The following PTPDC1 variants were observed in gnomAD, a reference collection of about 807,000 sequenced individuals.
PTPDC1 encodes the protein protein tyrosine phosphatase domain containing 1.
A neutral mutation model predicts 75.3 loss-of-function variants in PTPDC1; 53 were observed. That is an observed-to-expected ratio of 0.70 (90% CI 0.56 to 0.88). The LOEUF (loss-of-function observed/expected upper bound fraction) is 0.88, where lower values mean the gene tolerates loss of function less well. PTPDC1 is among the 40% of genes least tolerant of loss of function. The pLI, the probability that PTPDC1 is intolerant of heterozygous loss-of-function variation, is 0.00. For missense variants in PTPDC1, 925 were observed against 998.6 expected (o/e 0.93, Z 0.99); for synonymous variants, 349 against 366.2 (o/e 0.95, Z 0.54).
chr9:94,038,638 A>G (rs980658007), intron 1 of PTPDC1, among the ~76,000 whole-genome samples: 1 of 152,248 alleles, frequency 6.6e-6, no homozygotes, highest in African/African-American at 2.4e-5. Context: ...GGTGAGTGCC[A>G]TCTTAAAACT....
upstream of PTPDC1, chr9:94,084,396 A>G: frequency 1.4e-6 from 2 of 1,413,970 alleles, no homozygotes; most frequent in South Asian, 2.9e-5. Flanking sequence ...GTTTGTCGCC[A>G]TGGAAACCAG....
At chr9:94,085,449 G>C in intron 2 of PTPDC1, 27 bp downstream of exon 2, 1 of 1,612,674 alleles carries the variant, frequency 6.2e-7, no homozygotes, top group South Asian at 1.1e-5. Context: ...GTCTTTCATA[G>C]CTCTGTTGGA....
intron 4 of PTPDC1, among the ~76,000 whole-genome samples, chr9:94,089,269 C>A (rs1827198452): frequency 7.0e-6 from 1 of 142,678 alleles, no homozygotes; most frequent in Non-Finnish European, 1.5e-5. Context: ...GTGATATTCC[C>A]CTTCCTGTGT....
chr9:94,094,539 T>C (rs1035160095), intron 4 of PTPDC1, among the ~76,000 whole-genome samples: 1 of 152,182 alleles, frequency 6.6e-6, no homozygotes, highest in Non-Finnish European at 1.5e-5. Flanking sequence ...TGTTTGTCTG[T>C]GCCCTGCCCC....
chr9:94,082,801 A>G (rs1826928909), upstream of PTPDC1, among the ~76,000 whole-genome samples: 1 of 152,170 alleles, frequency 6.6e-6, no homozygotes, highest in Non-Finnish European at 1.5e-5. Context: ...TTTGAGGTCA[A>G]CCCAGGGCTC....
intron 1 of PTPDC1, among the ~76,000 whole-genome samples, chr9:94,037,451 T>C (rs1306955664): frequency 6.6e-6 from 1 of 152,188 alleles, no homozygotes; most frequent in Non-Finnish European, 1.5e-5. Context: ...TCCAGTCTTT[T>C]ATATGTGTAC....
intron 1 of PTPDC1, among the ~76,000 whole-genome samples, chr9:94,042,466 T>C (rs1415816344): frequency 6.6e-6 from 1 of 152,230 alleles, no homozygotes; most frequent in Non-Finnish European, 1.5e-5. Context: ...ATAATAGTTA[T>C]GTTTTCACTA....
rs1322123024 is a variant in PTPDC1, at chr9:94,047,700, A to T, written c.-7+16573A>T. Among the ~76,000 whole-genome samples, 12 of 152,182 alleles carry T rather than the reference A, an allele frequency of 7.9e-5. No individual in the cohort carries two copies. In the East Asian group the frequency reaches 2.3e-3, roughly 29 times the overall value. ...ACTAATAAAGAAGAAAAGAGAGAAG[A>T]ATCAAATAGACGCAATAAAAAATGA... On this transcript the variant is annotated intron_variant, in intron 1 of 9. Transcript: ENST00000375360.
chr9:94,030,955 C>T (rs938990585), exon 1 of PTPDC1: 2 of 152,138 alleles, frequency 1.3e-5, no homozygotes, highest in African/African-American at 4.8e-5. Context: ...GGTGCCGCGC[C>T]GTGAGGGTGC....
chr9:94,068,372 C>T (rs1826391207), intron 2 of PTPDC1, among the ~76,000 whole-genome samples: 2 of 152,140 alleles, frequency 1.3e-5, no homozygotes, highest in South Asian at 4.1e-4. Flanking sequence ...CCTTTATGAC[C>T]TTAACATTTT....
chr9:94,079,207 T>C (rs947842399), intron 2 of PTPDC1, among the ~76,000 whole-genome samples: 3 of 152,216 alleles, frequency 2.0e-5, no homozygotes, highest in African/African-American at 4.8e-5. Flanking sequence ...AGTCTTTTTT[T>C]CTTCATAGTT....
chr9:94,088,893 T>G (rs1477078128), intron 4 of PTPDC1, among the ~76,000 whole-genome samples: 1 of 152,196 alleles, frequency 6.6e-6, no homozygotes, highest in African/African-American at 2.4e-5. Flanking sequence ...AAGCTATTTA[T>G]CAGTCATTTA....
chr9:94,032,151 T>A (rs1300336411), intron 1 of PTPDC1, among the ~76,000 whole-genome samples: 1 of 152,200 alleles, frequency 6.6e-6, no homozygotes, highest in Non-Finnish European at 1.5e-5. Flanking sequence ...TCTATGTGGC[T>A]CCAAAACCAC....
chr9:94,055,368 CTT>C (rs376458217), intron 1 of PTPDC1, among the ~76,000 whole-genome samples: 1 of 152,296 alleles, frequency 6.6e-6, no homozygotes, highest in East Asian at 1.9e-4. Context: ...GAGCAGAAAA[CTT>C]AGGTCTACAC....
At chr9:94,054,089 CA>C (rs1356241038) in intron 1 of PTPDC1, among the ~76,000 whole-genome samples, 1 of 151,838 alleles carries the variant, frequency 6.6e-6, no homozygotes, top group East Asian at 1.9e-4. Flanking sequence ...ACAAAGCAGA[CA>C]AAAAAAATCT....
Position 94,084,691 on chromosome 9 carries a change from C to T in PTPDC1, c.161C>T (p.Ser54Leu), listed in dbSNP as rs375990619. 86 of 1,613,626 alleles carry T rather than the reference C, an allele frequency of 5.3e-5. No homozygotes were observed. Among genetic ancestry groups the T allele is most frequent in the Admixed American group, 1.7e-5 (1 of 59,944 alleles). ...GSGSATKLLS[S>L]SSLQVMVAVS... ...GGCTCTGCCACGAAGCTGCTGTCCT[C>T]GTCCTCTCTCCAGGTGATGGTGGCT... is the stretch of plus-strand genomic sequence containing the variant. Residue 54 changes from serine (S) to leucine (L), a missense_variant, in exon 1 of 9, where the codon TCG becomes TTG. By Grantham distance (145) the Ser-to-Leu change is moderately radical (BLOSUM62 -2). Transcript: ENST00000620992.
At chr9:94,035,207 A>G (rs1825228280) in intron 1 of PTPDC1, among the ~76,000 whole-genome samples, 1 of 152,210 alleles carries the variant, frequency 6.6e-6, no homozygotes, top group Non-Finnish European at 1.5e-5. Flanking sequence ...AGTTTGCAAT[A>G]TAATGTAATA....
chr9:94,105,438 G>A (rs984858053), intron 8 of PTPDC1, among the ~76,000 whole-genome samples: 64 of 152,244 alleles, frequency 4.2e-4, no homozygotes, highest in Admixed American at 4.2e-3. Flanking sequence ...GGGAGGCTGA[G>A]ATGGGTGGAT....
At chr9:94,068,882 T>C (rs1826413575) in intron 2 of PTPDC1, among the ~76,000 whole-genome samples, 1 of 152,250 alleles carries the variant, frequency 6.6e-6, no homozygotes, top group South Asian at 2.1e-4. Context: ...ATTCCTATTT[T>C]GTTCAGTGGA....
Sources: allele counts gnomAD v4.1 joint callset (sites outside exome capture counted in the v4.1 genomes callset), GRCh38; gene constraint gnomAD v4.1.1; transcripts MANE v1.5; gene names NCBI Gene and HGNC (gene_info 2026-07-23, HGNC 2026-07-21).